Variants in PRELID2 observed in about 807,000 individuals in gnomAD.
PRELID2 encodes the protein PRELI domain containing 2.
In PRELID2, 25 loss-of-function variants were observed where a neutral mutation model predicts 28.4. The observed-to-expected ratio is 0.88, with a 90% CI of 0.64 to 1.23. PRELID2 has a LOEUF of 1.23. PRELID2 is among the 50% of genes most tolerant of loss of function. PRELID2 has a pLI of 0.00. For synonymous variants in PRELID2, 76 were observed against 71.6 expected, an observed-to-expected ratio of 1.06 and a Z score of -0.31; for missense variants, 201 against 214.4, an observed-to-expected ratio of 0.94 and a Z score of 0.39.
In PRELID2 at chr5:145,832,583, G is replaced by A. The variant is rs544357352; in HGVS notation, c.75+2594C>T. On this transcript the variant is annotated intron_variant, in intron 1 of 6. Coordinates refer to ENST00000683046, the MANE Select transcript of PRELID2 (RefSeq NM_205846.3). ...CCGGGTGGCTAAGGCTGTGAGTTTC[G>A]GATCCATGTGTTAAAATCCTGGCTG... Among the ~76,000 whole-genome samples, 7 of 152,184 alleles carry A rather than the reference G, an allele frequency of 4.6e-5. No individual in the cohort carries two copies. In the East Asian group the frequency reaches 7.7e-4, roughly 17 times the overall value.
At chr5:145,641,723 T>G in intron 1 of PRELID2, among the ~76,000 whole-genome samples, 1 of 152,338 alleles carries the variant, frequency 6.6e-6, no homozygotes, top group African/African-American at 2.4e-5. Context: ...TGTTCCTGTG[T>G]TCTCATTGTT....
At chr5:145,790,017 A>C (rs1403943120) in intron 5 of PRELID2, among the ~76,000 whole-genome samples, 2 of 152,240 alleles carry the variant, frequency 1.3e-5, no homozygotes, top group Non-Finnish European at 2.9e-5. Flanking sequence ...AAGAATGAGG[A>C]GAAAAGGATG....
chr5:145,444,958 A>G, the PRELID2 span, among the ~76,000 whole-genome samples: 6 of 150,254 alleles, frequency 4.0e-5, no homozygotes, highest in African/African-American at 1.5e-4. Flanking sequence ...ATATTACCCA[A>G]GCAATATATA....
chr5:145,435,321 GA>G, the PRELID2 span, among the ~76,000 whole-genome samples: 1 of 152,086 alleles, frequency 6.6e-6, no homozygotes, highest in East Asian at 1.9e-4. Context: ...ATAAGGGAAG[GA>G]AAAAGAGATG....
chr5:145,400,153 G>A, the PRELID2 span, among the ~76,000 whole-genome samples: 60 of 152,092 alleles, frequency 3.9e-4, no homozygotes, highest in Non-Finnish European at 7.9e-4. Context: ...TGCAAGTGAT[G>A]ACTATTTTTT....
intron 5 of PRELID2, among the ~76,000 whole-genome samples, chr5:145,769,770 CA>C (rs1457428139): frequency 6.6e-6 from 1 of 152,126 alleles, no homozygotes; most frequent in East Asian, 1.9e-4. Context: ...TAAGGAAGGG[CA>C]GGGAAGCTAC....
chr5:145,282,515 C>CTTTTT, the PRELID2 span, among the ~76,000 whole-genome samples: 4 of 141,690 alleles, frequency 2.8e-5, no homozygotes, highest in Non-Finnish European at 4.6e-5. Context: ...GACAGCTCTT[C>CTTTTT]TTTTTTTTTT....
chr5:145,551,729 A>G (rs1752837084), intron 1 of PRELID2, among the ~76,000 whole-genome samples: 1 of 152,224 alleles, frequency 6.6e-6, no homozygotes, highest in African/African-American at 2.4e-5. Flanking sequence ...ATTTGGGATC[A>G]GTTTAATAAA....
At chr5:145,295,359 G>A in the PRELID2 span, among the ~76,000 whole-genome samples, 2 of 152,108 alleles carry the variant, frequency 1.3e-5, no homozygotes, top group Admixed American at 1.3e-4. Flanking sequence ...TTCTAAGTAG[G>A]AGGGTGGTTT....
At chr5:145,722,691 G>T (rs1756024277) in intron 1 of PRELID2, among the ~76,000 whole-genome samples, 1 of 151,932 alleles carries the variant, frequency 6.6e-6, no homozygotes, top group Non-Finnish European at 1.5e-5. Context: ...TTAGAGACGG[G>T]GTTTCACCAT....
the PRELID2 span, among the ~76,000 whole-genome samples, chr5:145,295,768 A>C: frequency 6.6e-6 from 1 of 152,194 alleles, no homozygotes. Flanking sequence ...GAAGGCAGAG[A>C]CCTTGTTTAT....
At chr5:145,782,476 T>TAGC (rs1375797910) in intron 5 of PRELID2, among the ~76,000 whole-genome samples, 2 of 152,236 alleles carry the variant, frequency 1.3e-5, no homozygotes, top group Non-Finnish European at 2.9e-5. Context: ...TACAACAGTG[T>TAGC]AGCACTTGGC....
At chr5:145,770,971 A>C (rs1194232707) in intron 5 of PRELID2, among the ~76,000 whole-genome samples, 1 of 152,142 alleles carries the variant, frequency 6.6e-6, no homozygotes, top group Admixed American at 6.5e-5. Flanking sequence ...AGTGTAGCCT[A>C]AGTGCAAAGG....
chr5:145,582,402 G>A (rs79713304), intron 1 of PRELID2, among the ~76,000 whole-genome samples: 5,166 of 151,982 alleles, frequency 0.034, 173 homozygotes, highest in African/African-American at 0.081. Flanking sequence ...CAAACAACCA[G>A]ATCTCATGAG....
At chr5:145,683,077 G>A (rs1359774683) in intron 1 of PRELID2, among the ~76,000 whole-genome samples, 3 of 152,170 alleles carry the variant, frequency 2.0e-5, no homozygotes, top group Non-Finnish European at 4.4e-5. Context: ...TTGGGTGAAA[G>A]CAGTCAGAGA....
chr5:145,284,515 T>C, the PRELID2 span, among the ~76,000 whole-genome samples: 1 of 152,118 alleles, frequency 6.6e-6, no homozygotes, highest in Non-Finnish European at 1.5e-5. Flanking sequence ...TTTTTTTCTA[T>C]TATTTTATTT....
chr5:145,636,628 C>T (rs1754006601), intron 1 of PRELID2, among the ~76,000 whole-genome samples: 1 of 152,246 alleles, frequency 6.6e-6, no homozygotes, highest in African/African-American at 2.4e-5. Flanking sequence ...TTCTCAGCCA[C>T]TAGGCAATGT....
rs184098477 is a variant in PRELID2, at chr5:145,728,708, T to C, written n.70+36223A>G. 221 of 1,562,248 alleles carry C rather than the reference T, an allele frequency of 1.4e-4. No individual in the cohort carries two copies. The East Asian group carries it at 4.1e-3, about 29-fold the overall frequency. On this transcript the variant is annotated intron_variant and non_coding_transcript_variant, in intron 1 of 2. Coordinates refer to the PRELID2 transcript ENST00000510259. ...CTGATTTCACTTCAGCAAGTCCAAA[T>C]ATAGCCCAGAACAGTGTCTTAAAAC...
chr5:145,741,090 T>G (rs1756705194), intron 1 of PRELID2, among the ~76,000 whole-genome samples: 1 of 117,976 alleles, frequency 8.5e-6, no homozygotes, highest in Non-Finnish European at 1.6e-5. Flanking sequence ...ATAAAATAAA[T>G]ATACATATTT....
Sources: allele counts gnomAD v4.1 joint callset (sites outside exome capture counted in the v4.1 genomes callset), GRCh38; gene constraint gnomAD v4.1.1; transcripts MANE v1.5; gene names NCBI Gene and HGNC (gene_info 2026-07-23, HGNC 2026-07-21).